The following CSN3 variants were observed in gnomAD, a reference collection of about 807,000 sequenced individuals.
CSN3 encodes the protein casein kappa.
A neutral mutation model predicts 9.9 loss-of-function variants in CSN3; 7 were observed. The observed-to-expected ratio is 0.71, with a 90% CI of 0.40 to 1.33. The LOEUF (loss-of-function observed/expected upper bound fraction) is 1.33. CSN3 is among the 40% of genes most tolerant of loss of function. CSN3 has a pLI of 0.01. For synonymous variants in CSN3, 88 were observed against 82.3 expected, an observed-to-expected ratio of 1.07 and a Z score of -0.37; for missense variants, 253 against 227.9, an observed-to-expected ratio of 1.11 and a Z score of -0.71.
chr4:70,249,353 C>T, exon 4 of CSN3: 1 of 1,614,096 alleles, frequency 6.2e-7, no homozygotes, highest in Non-Finnish European at 8.5e-7. Context: ...GCTCCTGCCA[C>T]TGAACCAACG....
chr4:70,238,898 C>T (rs60110435), upstream of CSN3, among the ~76,000 whole-genome samples: 18,803 of 151,636 alleles, frequency 0.12, 1,372 homozygotes, highest in East Asian at 0.27. Context: ...GAGAACTAGT[C>T]GTGAAACAGG....
At chr4:70,249,417 C>T in exon 4 of CSN3, 2 of 1,613,926 alleles carry the variant, frequency 1.2e-6, no homozygotes, top group Non-Finnish European at 8.5e-7. Context: ...TCACGAGCAC[C>T]CCTGAGACAA....
At chr4:70,246,533 C>A (rs930560149) in intron 2 of CSN3, among the ~76,000 whole-genome samples, 1 of 151,804 alleles carries the variant, frequency 6.6e-6, no homozygotes, top group East Asian at 1.9e-4. Context: ...AAAAGAGACA[C>A]CACATTTCCT....
At chr4:70,242,139 T>G (rs1399813467), upstream of CSN3, among the ~76,000 whole-genome samples, 1 of 151,416 alleles carries the variant, frequency 6.6e-6, no homozygotes, top group Non-Finnish European at 1.5e-5. Flanking sequence ...ATAGATAGGA[T>G]AAGTTGAATA....
chr4:70,243,350 C>A (rs138735893), intron 1 of CSN3, among the ~76,000 whole-genome samples: 212 of 152,150 alleles, frequency 1.4e-3, no homozygotes, highest in African/African-American at 4.8e-3. Flanking sequence ...CCTAAAAGAT[C>A]ACTAGCAAGT....
At chr4:70,245,485 T>C (rs1730359684) in intron 2 of CSN3, among the ~76,000 whole-genome samples, 1 of 152,224 alleles carries the variant, frequency 6.6e-6, no homozygotes, top group African/African-American at 2.4e-5. Flanking sequence ...TCTTGAATTA[T>C]ATGCAATGTT....
At chr4:70,242,935 C>T (rs1016779297) in intron 1 of CSN3, among the ~76,000 whole-genome samples, 3 of 152,134 alleles carry the variant, frequency 2.0e-5, no homozygotes, top group Admixed American at 1.3e-4. Context: ...AACAAGAAGG[C>T]GTTTAACGTA....
intron 4 of CSN3, 85 bp downstream of exon 4, chr4:70,249,578 T>A: frequency 1.2e-6 from 1 of 824,580 alleles, no homozygotes; most frequent in Admixed American, 2.8e-5. Context: ...ATAGTACAAA[T>A]AGATAAACTA....
chr4:70,247,792 T>G, intron 2 of CSN3, 26 bp from the exon 3 acceptor site: 1 of 1,578,074 alleles, frequency 6.3e-7, no homozygotes, highest in Non-Finnish European at 8.6e-7. Context: ...TTATTTCTCA[T>G]TATTTCTTCT....
At chr4:70,242,724 T>C (rs1730297761) in intron 1 of CSN3, 59 bp downstream of exon 1, 1 of 152,124 alleles carries the variant, frequency 6.6e-6, no homozygotes, top group South Asian at 2.1e-4. Context: ...AGTTGGGACA[T>C]CACCATAGTT....
chr4:70,248,391 T>C (rs62308386), intron 3 of CSN3, among the ~76,000 whole-genome samples: 17,390 of 152,176 alleles, frequency 0.11, 1,313 homozygotes, highest in East Asian at 0.27. Flanking sequence ...CACATAGATA[T>C]AGACAATTCT....
Position 70,246,846 on chromosome 4 carries a change from A to G in CSN3, c.55-972A>G, listed in dbSNP as rs144581217. Among the ~76,000 whole-genome samples, 208 of 151,708 alleles carry G rather than the reference A, an allele frequency of 1.4e-3. 4 individuals are homozygous for G. The East Asian group carries it at 0.036, about 26-fold the overall frequency. On this transcript the variant is annotated intron_variant, in intron 2 of 4. Transcript: ENST00000304954. Reference sequence around the variant, plus strand: ...GCCACCATGCCCAGCTAATTTTTGTATTTTTAGTAGAGGCAGGGTTTCACC... The same window carrying G: ...GCCACCATGCCCAGCTAATTTTTGTGTTTTTAGTAGAGGCAGGGTTTCACC...
chr4:70,249,239 G>A (rs1048152), exon 4 of CSN3: 14 of 1,613,768 alleles, frequency 8.7e-6, no homozygotes, highest in East Asian at 2.2e-5. Context: ...GTGGTACGTC[G>A]CCCAAACCTG....
chr4:70,242,182 AT>A (rs1375481730), upstream of CSN3, among the ~76,000 whole-genome samples: 1 of 82,366 alleles, frequency 1.2e-5, no homozygotes, highest in Non-Finnish European at 2.3e-5. Flanking sequence ...AAATTCTTCT[AT>A]ATTTCTTTAT....
chr4:70,245,077 T>C (rs1290691205), intron 2 of CSN3, among the ~76,000 whole-genome samples: 1 of 152,098 alleles, frequency 6.6e-6, no homozygotes, highest in Non-Finnish European at 1.5e-5. Flanking sequence ...TTTAGTTCTG[T>C]GAATTAAGAA....
At position 70,247,947 on chromosome 4, in the gene CSN3, A is replaced by C. The variant is rs143568877; in HGVS notation, c.87+97A>C. ...ATAGATGCCTTCTGTCTAAAACCTAAATATTTCATTTCCATAAAACAATCT... is the reference window on the plus strand; with the variant it reads ...ATAGATGCCTTCTGTCTAAAACCTACATATTTCATTTCCATAAAACAATCT... On this transcript the variant is annotated intron_variant, in intron 3 of 4. Coordinates refer to ENST00000304954, the Ensembl canonical transcript of CSN3. 1.5e-5 allele frequency: 12 copies of C among 800,948 alleles called. No homozygotes were observed. In the African/African-American group the frequency reaches 2.0e-4, roughly 13 times the overall value. 49.6% of individuals were successfully genotyped at this position (800,948 alleles called of 1,614,324 possible).
chr4:70,249,390 T>C, exon 4 of CSN3: 1 of 1,614,022 alleles, frequency 6.2e-7, no homozygotes, highest in Non-Finnish European at 8.5e-7. Flanking sequence ...CTCCAGAAGC[T>C]TTTTCAGAGT....
At chr4:70,247,395 C>A (rs959242469) in intron 2 of CSN3, among the ~76,000 whole-genome samples, 23 of 152,028 alleles carry the variant, frequency 1.5e-4, no homozygotes, top group African/African-American at 5.6e-4. Context: ...TCTAAGTAAA[C>A]CTTATGAATC....
upstream of CSN3, among the ~76,000 whole-genome samples, chr4:70,238,497 C>T: frequency 6.6e-6 from 1 of 151,640 alleles, no homozygotes; most frequent in East Asian, 1.9e-4. Context: ...AGAAACAGTC[C>T]CTAGCAAAAA....
Sources: allele counts gnomAD v4.1 joint callset (sites outside exome capture counted in the v4.1 genomes callset), GRCh38; gene constraint gnomAD v4.1.1; transcripts MANE v1.5; gene names NCBI Gene and HGNC (gene_info 2026-07-23, HGNC 2026-07-21).